TANGO6: variants seen among roughly 807,000 people sequenced by gnomAD.
TANGO6 encodes the protein transport and golgi organization 6 homolog.
In TANGO6, 90 loss-of-function variants were observed where a neutral mutation model predicts 114.2. The ratio of observed to expected loss-of-function variants is 0.79; its 90% CI spans 0.66 to 0.94. The LOEUF is 0.94. Ranked by LOEUF, TANGO6 falls within the 40% of genes least tolerant of loss-of-function variation. The probability of loss-of-function intolerance (pLI) is 0.00; values close to 1 mark genes in which losing one functional copy is unlikely to be tolerated. For synonymous variants in TANGO6, 477 were observed against 509.8 expected (o/e 0.94, Z 0.87); for missense variants, 1,274 against 1,315.3 (o/e 0.97, Z 0.49).
At chr16:68,946,284 C>T (rs958263971) in intron 14 of TANGO6, among the ~76,000 whole-genome samples, 10 of 151,912 alleles carry the variant, frequency 6.6e-5, no homozygotes, top group South Asian at 2.1e-4. Flanking sequence ...CTCCGCCTCC[C>T]GGGTTCACGC....
intron 7 of TANGO6, among the ~76,000 whole-genome samples, chr16:68,899,521 A>G (rs991189658): frequency 6.7e-6 from 1 of 148,750 alleles, no homozygotes; most frequent in African/African-American, 2.5e-5. Flanking sequence ...TTTTTTTTTA[A>G]TTTTTTTCAT....
chr16:68,867,404 C>A lies in TANGO6; in HGVS notation c.994+184C>A, dbSNP rs1051312849. On this transcript the variant is annotated intron_variant, in intron 4 of 17. Coordinates refer to ENST00000261778, the MANE Select transcript of TANGO6 (RefSeq NM_024562.2). ...AGCTTCTTTTCCAAAGAAACTAATTCTCTTGCTCTTTTCCTAAAACACTTG... is the reference window on the plus strand; with the variant it reads ...AGCTTCTTTTCCAAAGAAACTAATTATCTTGCTCTTTTCCTAAAACACTTG... 42 of 647,764 alleles carry A rather than the reference C, an allele frequency of 6.5e-5. No homozygotes were observed. The Admixed American group carries it at 1.0e-3, about 16-fold the overall frequency. 40.1% of individuals were successfully genotyped at this position (647,764 alleles called of 1,614,324 possible). A position where few individuals can be genotyped will look rare whatever the true frequency, so the allele number is the denominator to read the frequency against.
intron 17 of TANGO6, among the ~76,000 whole-genome samples, chr16:69,072,783 G>C (rs1960316424): frequency 6.6e-6 from 1 of 152,160 alleles, no homozygotes; most frequent in East Asian, 1.9e-4. Context: ...TTTTGCACAG[G>C]CAGTATTGTT....
intron 14 of TANGO6, among the ~76,000 whole-genome samples, chr16:68,954,332 G>A (rs139136750): frequency 7.2e-5 from 11 of 151,976 alleles, no homozygotes; most frequent in African/African-American, 2.7e-4. Context: ...GCAGGGAGGA[G>A]CAGGAGGCAA....
intron 16 of TANGO6, among the ~76,000 whole-genome samples, chr16:69,027,370 C>T (rs1012309416): frequency 1.3e-5 from 2 of 152,074 alleles, no homozygotes; most frequent in Admixed American, 1.3e-4. Context: ...TCAGTTATTT[C>T]CTTCCCTTTA....
chr16:68,906,466 C>A (rs1380861063), intron 9 of TANGO6, among the ~76,000 whole-genome samples: 1 of 152,134 alleles, frequency 6.6e-6, no homozygotes, highest in Non-Finnish European at 1.5e-5. Context: ...TACTTTGCAG[C>A]CTTCTCTTTC....
In TANGO6 at chr16:68,944,786, C is replaced by T. The variant is rs74025339; in HGVS notation, c.2701+14491C>T. On this transcript the variant is annotated intron_variant, in intron 14 of 17. Coordinates refer to ENST00000261778, the MANE Select transcript of TANGO6 (RefSeq NM_024562.2). Reference sequence around the variant, plus strand: ...TCAAATAAAATATAAGGACAAATCTCTAAATTTAAAACATTTTGCAGAAGC... The same window carrying T: ...TCAAATAAAATATAAGGACAAATCTTTAAATTTAAAACATTTTGCAGAAGC... 6.3e-3 allele frequency among the ~76,000 whole-genome samples: 956 copies of T among 152,328 alleles called. 15 individuals are homozygous for T. The highest frequency in any genetic ancestry group is 0.022 in the African/African-American group (913 of 41,568).
chr16:69,011,278 G>C (rs888024905), intron 15 of TANGO6, among the ~76,000 whole-genome samples: 2 of 152,060 alleles, frequency 1.3e-5, no homozygotes, highest in Admixed American at 6.6e-5. Flanking sequence ...AAAGAAGAGA[G>C]CCCCCCTACA....
At chr16:68,933,404 G>A (rs1228384178) in intron 14 of TANGO6, among the ~76,000 whole-genome samples, 1 of 152,198 alleles carries the variant, frequency 6.6e-6, no homozygotes, top group Non-Finnish European at 1.5e-5. Context: ...AGCAGAGCAA[G>A]ACTCCTTCTC....
At chr16:68,955,930 T>C (rs1963526136) in intron 14 of TANGO6, among the ~76,000 whole-genome samples, 2 of 151,980 alleles carry the variant, frequency 1.3e-5, no homozygotes, top group Non-Finnish European at 2.9e-5. Context: ...GCTGGAGGAT[T>C]ACCTGAGGTC....
intron 6 of TANGO6, 86 bp downstream of exon 6, chr16:68,878,366 A>G: frequency 1.4e-6 from 2 of 1,428,034 alleles, no homozygotes; most frequent in Non-Finnish European, 1.8e-6. Flanking sequence ...TCTGTGTTAT[A>G]TCAGTCTCTT....
intron 14 of TANGO6, among the ~76,000 whole-genome samples, chr16:68,941,231 C>A (rs1036258589): frequency 7.2e-5 from 11 of 152,128 alleles, no homozygotes; most frequent in African/African-American, 2.7e-4. Context: ...TACAAAAGTA[C>A]ACTCTGTCAA....
At chr16:68,854,232 T>C (rs937180707) in intron 1 of TANGO6, among the ~76,000 whole-genome samples, 34 of 152,160 alleles carry the variant, frequency 2.2e-4, no homozygotes, top group African/African-American at 7.5e-4. Context: ...GGCGGAAGAA[T>C]TGCTTAAGCA....
chr16:69,001,602 C>G (rs564238419), intron 15 of TANGO6, among the ~76,000 whole-genome samples: 13 of 152,230 alleles, frequency 8.5e-5, no homozygotes, highest in African/African-American at 2.9e-4. Context: ...GCCTGCATTT[C>G]TAGGGCTAAA....
At position 68,927,629 on chromosome 16, in the gene TANGO6, A is replaced by G. The variant is rs2152195855; in HGVS notation, c.2189A>G (p.Asn730Ser). ...TTGCCTCTGTTGGAGAAGGTATCCA[A>G]CACATACCCTGATCCGGTCATCCAA... is the stretch of plus-strand genomic sequence containing the variant. ...QLLPLLEKVS[N>S]TYPDPVIQEL... Residue 730 changes from asparagine to serine, a missense_variant, in exon 13 of 18, where the codon AAC becomes AGC. Physicochemically the swap from Asn to Ser is conservative, Grantham distance 46. This residue lies in a region of TANGO6 where 908 missense variants were observed against 910.2 expected (regional missense o/e 1.00). Coordinates refer to ENST00000261778, the MANE Select transcript of TANGO6 (RefSeq NM_024562.2). 6.2e-7 allele frequency: 1 copy of G among 1,614,012 alleles called. No homozygotes were observed. The highest frequency in any genetic ancestry group is 1.3e-5 in the African/African-American group (1 of 75,046).
Position 69,040,341 on chromosome 16 carries a change from G to C in TANGO6, c.3028G>C (p.Asp1010His). 2 of 1,609,118 alleles carry C rather than the reference G, an allele frequency of 1.2e-6. No individual in the cohort carries two copies. Among genetic ancestry groups the C allele is most frequent in the South Asian group, 2.2e-5 (2 of 89,508 alleles). ...TACLIAVAKT[D>H]GEVQVRRAAI... is the part of the protein sequence containing the mutation. ...TTGCCTGATTGCTGTGGCCAAAACA[G>C]ATGGTGAAGTTCAAGTACGCAGAGC... The change falls in exon 17 of 18, where the codon GAT (aspartate) becomes CAT (histidine). Residue 1010 changes from aspartate (D) to histidine (H), a missense_variant. Physicochemically the swap from Asp to His is moderately conservative, Grantham distance 81 (BLOSUM62 -1). Coordinates refer to ENST00000261778, the MANE Select transcript of TANGO6 (RefSeq NM_024562.2).
intron 11 of TANGO6, among the ~76,000 whole-genome samples, chr16:68,910,244 T>A (rs181630607): frequency 6.6e-6 from 1 of 152,224 alleles, no homozygotes; most frequent in South Asian, 2.1e-4. Context: ...CTATAGCTCC[T>A]GCTGAGAAAA....
In TANGO6 at chr16:69,040,355, A is replaced by G. The variant is rs749494957; in HGVS notation, c.3042A>G (p.Gln1014=). The G allele has an allele frequency of 1.9e-6, 3 of 1,609,410 alleles. No homozygotes were observed. The highest frequency in any genetic ancestry group is 2.5e-6 in the Non-Finnish European group (3 of 1,178,200). Residue 1014 remains glutamine, a synonymous_variant, in exon 17 of 18, where the codon CAA becomes CAG. Transcript: ENST00000261778. The part of the protein sequence containing the change: ...IAVAKTDGEV[Q]VRRAAIHVVV... ...TGGCCAAAACAGATGGTGAAGTTCA[A>G]GTACGCAGAGCTGCCATACATGTGG... is the stretch of plus-strand genomic sequence containing the variant.
At chr16:68,934,180 C>G (rs1007440795) in intron 14 of TANGO6, among the ~76,000 whole-genome samples, 3 of 151,750 alleles carry the variant, frequency 2.0e-5, no homozygotes, top group Non-Finnish European at 4.4e-5. Context: ...GTAGCTGGGA[C>G]TACAGATGCA....
Sources: gnomAD v4.1 joint callset for allele counts (sites outside exome capture counted in the v4.1 genomes callset) on GRCh38, gnomAD v4.1.1 for gene constraint, gnomAD v4.1.1 regional missense constraint, MANE v1.5 for transcripts, NCBI Gene and HGNC (gene_info 2026-07-23, HGNC 2026-07-21) for gene names.